Variants in CEP63 observed in about 807,000 individuals in gnomAD.
The protein encoded by CEP63 is centrosomal protein 63, also known as centrosomal protein of 63 kDa.
Under a neutral mutation model 89.1 loss-of-function variants are expected in CEP63, and 84 were observed. The ratio of observed to expected loss-of-function variants is 0.94; its 90% CI spans 0.79 to 1.13. CEP63 has a LOEUF of 1.13. Among genes scored for constraint, CEP63 ranks in the 50% most tolerant of loss-of-function variants. The pLI is 0.00. For missense variants in CEP63, 838 were observed against 813.3 expected (o/e 1.03, Z -0.37); for synonymous variants, 267 against 272.5 (o/e 0.98, Z 0.20).
chr3:134,738,863 A>G, the CEP63 span, among the ~76,000 whole-genome samples: 2 of 152,232 alleles, frequency 1.3e-5, no homozygotes, highest in African/African-American at 2.4e-5. Context: ...AATATATGCA[A>G]GTGGCCAAAA....
At position 134,561,911 on chromosome 3, in the gene CEP63, A is replaced by G. The variant is rs1577458698; in HGVS notation, c.*376A>G. The G allele has an allele frequency of 6.5e-6, 7 of 1,072,356 alleles. 1 individual carries two copies. The highest frequency in any genetic ancestry group is 1.6e-4 in the East Asian group (2 of 12,344). The allele number at this position is 1,072,356 out of a possible 1,614,324, so 66.4% of individuals were successfully genotyped here. ...ACTGCAGGAACTTTCTTTAGGGGAA[A>G]TGTGTAGAAGCATGGATTTAGGGGT... On this transcript the variant is annotated 3_prime_UTR_variant, in exon 15 of 15. Coordinates refer to ENST00000675561, the MANE Select transcript of CEP63 (RefSeq NM_001353108.3).
At chr3:134,773,867 G>T in the CEP63 span, among the ~76,000 whole-genome samples, 3 of 152,174 alleles carry the variant, frequency 2.0e-5, no homozygotes, top group African/African-American at 7.2e-5. Flanking sequence ...CATCTGAAAT[G>T]ATCTTACTCA....
At chr3:134,590,905 G>C (rs1052891247), downstream of CEP63, among the ~76,000 whole-genome samples, 2 of 152,144 alleles carry the variant, frequency 1.3e-5, no homozygotes, top group African/African-American at 4.8e-5. Context: ...TGTCTGGACT[G>C]TGTTCATCCT....
At chr3:134,651,709 G>T in the CEP63 span, 1 of 780,740 alleles carries the variant, frequency 1.3e-6, no homozygotes, top group Non-Finnish European at 1.6e-6. Flanking sequence ...AAGTCTTAAA[G>T]TCTCGGTTCG....
At position 134,495,362 on chromosome 3, in the gene CEP63, T is replaced by C; in HGVS notation, c.42T>C (p.Gly14=). ...LLEGIQNRGH[G]GGFLTSCEAE... ...AAGGAATACAAAATCGAGGGCATGGTGGGTAAGTTTGCTTTTTTTAAAATT... is the reference window on the plus strand; with the variant it reads ...AAGGAATACAAAATCGAGGGCATGGCGGGTAAGTTTGCTTTTTTTAAAATT... Residue 14 remains glycine (G), a splice_region_variant and synonymous_variant, in exon 2 of 15, where the codon GGT becomes GGC. Coordinates refer to ENST00000675561, the MANE Select transcript of CEP63 (RefSeq NM_001353108.3). 6.2e-7 allele frequency: 1 copy of C among 1,610,472 alleles called. No homozygotes were observed. Among genetic ancestry groups the C allele is most frequent in the East Asian group, 2.2e-5 (1 of 44,800 alleles).
chr3:134,755,009 C>G, the CEP63 span, among the ~76,000 whole-genome samples: 1 of 152,100 alleles, frequency 6.6e-6, no homozygotes, highest in African/African-American at 2.4e-5. Context: ...ACATGTGGGT[C>G]CCTGGGCAGC....
chr3:134,493,054 A>G (rs1324454689), intron 1 of CEP63, among the ~76,000 whole-genome samples: 2 of 152,204 alleles, frequency 1.3e-5, no homozygotes, highest in Non-Finnish European at 2.9e-5. Context: ...ATTACTAAAT[A>G]TATTAATGTT....
chr3:134,654,402 A>G, the CEP63 span, among the ~76,000 whole-genome samples: 6 of 152,112 alleles, frequency 3.9e-5, no homozygotes, highest in African/African-American at 1.4e-4. Context: ...CTCTATAGAG[A>G]TAGAGTAAGT....
chr3:134,634,686 C>T, the CEP63 span, among the ~76,000 whole-genome samples: 133 of 152,316 alleles, frequency 8.7e-4, no homozygotes, highest in Middle Eastern at 3.4e-3. Flanking sequence ...CGAGTCCACT[C>T]ATATGGTCCT....
At chr3:134,725,041 A>C in the CEP63 span, among the ~76,000 whole-genome samples, 3 of 151,668 alleles carry the variant, frequency 2.0e-5, no homozygotes. Context: ...AATACTACCA[A>C]ATCATTTTCA....
At chr3:134,662,036 G>A in the CEP63 span, among the ~76,000 whole-genome samples, 11 of 152,182 alleles carry the variant, frequency 7.2e-5, no homozygotes, top group Admixed American at 1.3e-4. Context: ...CCAGCACTGC[G>A]GAGGCCGAGG....
the CEP63 span, among the ~76,000 whole-genome samples, chr3:134,661,040 C>T: frequency 6.6e-6 from 1 of 152,158 alleles, no homozygotes; most frequent in Admixed American, 6.5e-5. Context: ...CCCACTTCCT[C>T]ACCACCCCCA....
chr3:134,708,503 T>G, the CEP63 span, among the ~76,000 whole-genome samples: 1 of 152,252 alleles, frequency 6.6e-6, no homozygotes, highest in Non-Finnish European at 1.5e-5. Context: ...TCCCCTGTTC[T>G]GCAGTTCTGT....
chr3:134,740,487 T>C, the CEP63 span, among the ~76,000 whole-genome samples: 21 of 152,042 alleles, frequency 1.4e-4, no homozygotes, highest in East Asian at 5.8e-4. Flanking sequence ...TTAGTAGAGA[T>C]GGGGGTTCAC....
At chr3:134,665,137 G>T in the CEP63 span, among the ~76,000 whole-genome samples, 1 of 152,196 alleles carries the variant, frequency 6.6e-6, no homozygotes, top group East Asian at 1.9e-4. Flanking sequence ...CTCCAGACTG[G>T]CTTCTTCTCC....
At chr3:134,625,278 T>A in the CEP63 span, 1 of 705,000 alleles carries the variant, frequency 1.4e-6, no homozygotes, top group Non-Finnish European at 2.5e-6. Context: ...GCCTAAGAGC[T>A]ATATGGGAAC....
chr3:134,735,335 ACAAC>A, the CEP63 span, among the ~76,000 whole-genome samples: 1 of 152,116 alleles, frequency 6.6e-6, no homozygotes, highest in Non-Finnish European at 1.5e-5. Flanking sequence ...CTCACAGCCA[ACAAC>A]CTACAACTCA....
At chr3:134,513,319 T>C (rs920278010) in intron 3 of CEP63, among the ~76,000 whole-genome samples, 5 of 152,220 alleles carry the variant, frequency 3.3e-5, no homozygotes, top group Non-Finnish European at 7.3e-5. Context: ...TCAGGCCTGA[T>C]TGAAAGTTTG....
chr3:134,665,678 CACACACACACACACACACACACACAG>C, the CEP63 span, among the ~76,000 whole-genome samples: 1 of 135,668 alleles, frequency 7.4e-6, no homozygotes, highest in African/African-American at 2.7e-5. Flanking sequence ...CACACACACA[CACACACACACACACACACACACACAG>C]AGAGAGAGAG....
Sources: gnomAD v4.1 joint callset for allele counts (sites outside exome capture counted in the v4.1 genomes callset) on GRCh38, gnomAD v4.1.1 for gene constraint, MANE v1.5 for transcripts, NCBI Gene and HGNC (gene_info 2026-07-23, HGNC 2026-07-21) for gene names.